The following PCDHGA4 variants were observed in gnomAD, a reference collection of about 807,000 sequenced individuals.
The protein encoded by PCDHGA4 is protocadherin gamma-A4.
PCDHGA4 carries 38 observed loss-of-function variants against 54.6 expected under a neutral mutation model. The observed-to-expected ratio is 0.70, with a 90% CI of 0.54 to 0.91. The LOEUF is 0.91. Ranked by LOEUF, PCDHGA4 falls within the 40% of genes least tolerant of loss-of-function variation. The probability of loss-of-function intolerance (pLI) is 0.00; values close to 1 mark genes in which losing one functional copy is unlikely to be tolerated. For missense variants in PCDHGA4, 1,298 were observed against 1,220.9 expected (o/e 1.06, Z -0.94); for synonymous variants, 511 against 512.9 (o/e 1.00, Z 0.05).
At chr5:141,418,021 A>G (rs748774040) in intron 1 of PCDHGA4, 11 of 1,613,978 alleles carry the variant, frequency 6.8e-6, no homozygotes, top group African/African-American at 1.3e-5. Context: ...CTAAGGATCT[A>G]GGGCTTAGTG....
At chr5:141,426,882 C>A (rs528411309) in intron 1 of PCDHGA4, 1 of 456,664 alleles carries the variant, frequency 2.2e-6, no homozygotes, top group African/African-American at 2.0e-5. Context: ...GCCCCTGGGC[C>A]AGGAGCAACA....
At chr5:141,395,297 T>C in intron 1 of PCDHGA4, 1 of 1,523,916 alleles carries the variant, frequency 6.6e-7, no homozygotes, top group Non-Finnish European at 8.8e-7. Context: ...GCATAAATTA[T>C]GTTTTGAAAA....
chr5:141,410,083 C>T (rs752701599), intron 1 of PCDHGA4: 102 of 1,612,590 alleles, frequency 6.3e-5, no homozygotes, highest in Non-Finnish European at 4.7e-5. Flanking sequence ...GGGAGGTGCG[C>T]ACGGCTCGAG....
intron 3 of PCDHGA4, among the ~76,000 whole-genome samples, chr5:141,509,574 G>T (rs554778751): frequency 6.6e-6 from 1 of 152,300 alleles, no homozygotes; most frequent in South Asian, 2.1e-4. Context: ...TTCACAGTGC[G>T]TACAAATCAG....
At chr5:141,393,909 A>G (rs2092874602) in intron 1 of PCDHGA4, 1 of 1,613,980 alleles carries the variant, frequency 6.2e-7, no homozygotes, top group Non-Finnish European at 8.5e-7. Flanking sequence ...CGGGACAGTA[A>G]TTGCCTTCTT....
In PCDHGA4 at chr5:141,423,758, G is replaced by T. The variant is rs1192987646; in HGVS notation, c.2514+66137G>T. Reference sequence around the variant, plus strand: ...CTGTTATGAAAACTGTTTGGGGGGGGGGTGGGGCGGCATATATTTAGTTCA... The same window carrying T: ...CTGTTATGAAAACTGTTTGGGGGGGTGGTGGGGCGGCATATATTTAGTTCA... On this transcript the variant is annotated intron_variant, in intron 1 of 3. Transcript: ENST00000571252. 1.4e-4 allele frequency: 53 copies of T among 366,832 alleles called. 6 individuals carry two copies. The highest frequency in any genetic ancestry group is 3.4e-4 in the South Asian group (4 of 11,762). 22.7% of individuals were successfully genotyped at this position (366,832 alleles called of 1,614,324 possible).
At chr5:141,382,896 G>C (rs754850386) in intron 1 of PCDHGA4, 13 of 1,537,678 alleles carry the variant, frequency 8.5e-6, no homozygotes, top group Non-Finnish European at 1.1e-5. Context: ...GAAGCAGGAC[G>C]ACTATGGCGG....
chr5:141,378,217 G>A (rs977724774), intron 1 of PCDHGA4: 2 of 152,186 alleles, frequency 1.3e-5, no homozygotes, highest in African/African-American at 4.8e-5. Context: ...CATACTGTGT[G>A]CCTGATAGTA....
chr5:141,359,903 A>G (rs989342788), intron 1 of PCDHGA4: 1 of 412,252 alleles, frequency 2.4e-6, no homozygotes, highest in Non-Finnish European at 4.3e-6. Context: ...TTGACAAGCC[A>G]TTAGTGCAGT....
intron 1 of PCDHGA4, chr5:141,404,496 A>G (rs773471878): frequency 2.7e-5 from 43 of 1,613,778 alleles, no homozygotes; most frequent in East Asian, 2.2e-5. Context: ...GGTGTGCTGT[A>G]TGCTCTGTGC....
intron 1 of PCDHGA4, chr5:141,403,027 G>C: frequency 1.2e-6 from 2 of 1,614,070 alleles, no homozygotes; most frequent in Non-Finnish European, 1.7e-6. Flanking sequence ...TGCTATGGGA[G>C]GCCAGGGCCA....
At chr5:141,376,047 C>G (rs778307171) in intron 1 of PCDHGA4, 2 of 1,613,296 alleles carry the variant, frequency 1.2e-6, no homozygotes, top group South Asian at 2.2e-5. Flanking sequence ...CCCCCTCTCT[C>G]CGCCACTGTC....
rs1561869085 is a variant in PCDHGA4, at chr5:141,433,357, GCCTA to G, written c.2515-61449_2515-61446del. On this transcript the variant is annotated intron_variant, in intron 1 of 3. Transcript: ENST00000571252. ...TACAGGTGCAAGCCACCTACTGTCT[GCCTA>G]TCTATCTATCTATCTATCTATCTAT... is the stretch of plus-strand genomic sequence containing the variant. 3 of 568,974 alleles carry G rather than the reference GCCTA, an allele frequency of 5.3e-6. No homozygotes were observed. In the African/African-American group the frequency reaches 6.4e-5, roughly 12 times the overall value. The allele number at this position is 568,974 out of a possible 1,614,324, so 35.2% of individuals were successfully genotyped here.
At chr5:141,508,737 C>G (rs919094477) in intron 3 of PCDHGA4, among the ~76,000 whole-genome samples, 2 of 152,010 alleles carry the variant, frequency 1.3e-5, no homozygotes, top group Non-Finnish European at 2.9e-5. Flanking sequence ...CTACACCCCC[C>G]ACCCCGCTCT....
chr5:141,413,645 C>T, intron 1 of PCDHGA4: 9 of 1,613,834 alleles, frequency 5.6e-6, no homozygotes, highest in Non-Finnish European at 7.6e-6. Context: ...ATGCGTTTTC[C>T]TCTCCCGGAA....
chr5:141,496,621 CA>C (rs2099769988), intron 2 of PCDHGA4, among the ~76,000 whole-genome samples: 1 of 152,332 alleles, frequency 6.6e-6, no homozygotes, highest in Non-Finnish European at 1.5e-5. Flanking sequence ...AGCAGCAGAT[CA>C]AAAGGCTTGG....
intron 1 of PCDHGA4, chr5:141,441,986 C>G (rs2098288559): frequency 7.4e-6 from 2 of 269,216 alleles, no homozygotes; most frequent in Non-Finnish European, 1.5e-5. Flanking sequence ...GAATGCGCAC[C>G]GACGAGGTGC....
Position 141,414,298 on chromosome 5 carries a change from G to A in PCDHGA4, c.2514+56677G>A, listed in dbSNP as rs200349573. ...GGGAACAGTCGTAGCCCTTTTAAAT[G>A]TGCATGATTTAGACTCTGAGCAGAA... On this transcript the variant is annotated intron_variant, in intron 1 of 3. Transcript: ENST00000571252. The A allele has an allele frequency of 1.9e-5, 30 of 1,613,626 alleles. No homozygotes were observed. In the East Asian group the frequency reaches 6.7e-4, roughly 36 times the overall value.
chr5:141,421,277 T>C (rs761435958), intron 1 of PCDHGA4: 2 of 1,612,826 alleles, frequency 1.2e-6, no homozygotes, highest in Non-Finnish European at 1.7e-6. Flanking sequence ...CTGCTGCTGC[T>C]GTGCATTTTC....
Sources: allele counts gnomAD v4.1 joint callset (sites outside exome capture counted in the v4.1 genomes callset), GRCh38; gene constraint gnomAD v4.1.1; transcripts MANE v1.5; gene names NCBI Gene and HGNC (gene_info 2026-07-23, HGNC 2026-07-21).